MED13L: variants seen among roughly 807,000 people sequenced by gnomAD.
MED13L encodes mediator of RNA polymerase II transcription subunit 13-like.
In MED13L, 7 loss-of-function variants were observed where a neutral mutation model predicts 220.9. The ratio of observed to expected loss-of-function variants is 0.03; its 90% confidence interval spans 0.02 to 0.06. MED13L has a LOEUF of 0.06. MED13L is among the 10% of genes least tolerant of loss of function. The pLI is 1.00. For synonymous variants in MED13L, 1,011 were observed against 1,015.2 expected, an observed-to-expected ratio of 1.00 and a Z score of 0.08; for missense variants, 1,965 against 2,760.5, an observed-to-expected ratio of 0.71 and a Z score of 6.46.
intron 2 of MED13L, among the ~76,000 whole-genome samples, chr12:116,213,293 T>C (rs1222318446): frequency 6.6e-6 from 1 of 152,150 alleles, no homozygotes; most frequent in Non-Finnish European, 1.5e-5. Flanking sequence ...CCAGCTGCAA[T>C]AAACTGCTTG....
intron 1 of MED13L, chr12:116,276,308 TTGTGTGTGTGTGTGTGTGTGTGTGTG>T (rs372521434): frequency 1.8e-5 from 4 of 223,644 alleles, no homozygotes; most frequent in East Asian, 1.6e-4. Context: ...CTTGTTGCTT[TTGTGTGTGTGTGTGTGTGTGTGTGTG>T]TGTGTGTGTG....
At chr12:116,163,241 T>C (rs1593117296) in intron 2 of MED13L, among the ~76,000 whole-genome samples, 1 of 152,008 alleles carries the variant, frequency 6.6e-6, no homozygotes, top group East Asian at 1.9e-4. Flanking sequence ...TATTTACAAA[T>C]CAATAAGCTA....
rs760798678 is a variant in MED13L at position 115,996,982 on chromosome 12, C to T, written c.2790+28G>A. On this transcript the variant is annotated intron_variant, in intron 15 of 30. Coordinates refer to ENST00000281928, the MANE Select transcript of MED13L (RefSeq NM_015335.5). ...GAATCCACTTGGAAACTGCTCTGCC[C>T]TGGAAATGTTAATATATTGACAACT... The T allele has an allele frequency of 1.5e-5, 24 of 1,593,884 alleles. No individual in the cohort carries two copies. In the Admixed American group the frequency reaches 3.8e-4, roughly 25 times the overall value.
intron 14 of MED13L, among the ~76,000 whole-genome samples, chr12:115,999,603 G>C (rs972524653): frequency 6.6e-6 from 1 of 151,682 alleles, no homozygotes; most frequent in African/African-American, 2.4e-5. Context: ...TACAGAAATT[G>C]TATAAATTCT....
At chr12:116,011,242 G>A (rs1879378062) in intron 9 of MED13L, among the ~76,000 whole-genome samples, 1 of 151,972 alleles carries the variant, frequency 6.6e-6, no homozygotes, top group Admixed American at 6.6e-5. Flanking sequence ...AGTCAGGTTG[G>A]GACAGAAGTT....
intron 3 of MED13L, among the ~76,000 whole-genome samples, chr12:116,106,073 T>C (rs919477658): frequency 6.6e-6 from 1 of 152,208 alleles, no homozygotes; most frequent in Non-Finnish European, 1.5e-5. Flanking sequence ...TATAGTACTA[T>C]AATCAATTAC....
intron 2 of MED13L, chr12:116,168,985 G>T (rs1355527660): frequency 6.6e-6 from 1 of 152,178 alleles, no homozygotes; most frequent in Non-Finnish European, 1.5e-5. Context: ...CTACTGCAGG[G>T]GTGTGAAGGA....
At chr12:116,143,361 AAAAG>A (rs1003821953) in intron 2 of MED13L, among the ~76,000 whole-genome samples, 3 of 152,084 alleles carry the variant, frequency 2.0e-5, no homozygotes, top group Admixed American at 1.3e-4. Context: ...GAAAGTGAGA[AAAAG>A]AAAGAATGAA....
intron 2 of MED13L, among the ~76,000 whole-genome samples, chr12:116,141,614 A>C (rs1486294542): frequency 6.6e-6 from 1 of 152,072 alleles, no homozygotes; most frequent in Non-Finnish European, 1.5e-5. Flanking sequence ...TACCTTCAGA[A>C]TGATATCTAG....
intron 4 of MED13L, among the ~76,000 whole-genome samples, chr12:116,061,309 G>T (rs995825232): frequency 6.6e-6 from 1 of 151,848 alleles, no homozygotes; most frequent in South Asian, 2.1e-4. Context: ...TAAATATAGA[G>T]TAGTTACAAA....
In MED13L at chr12:116,155,346, C is replaced by T. The variant is rs189246474; in HGVS notation, c.311-43834G>A. Among the ~76,000 whole-genome samples the T allele has an allele frequency of 2.0e-3, 306 of 152,158 alleles. 1 individual carries two copies. The highest frequency in any genetic ancestry group is 3.1e-3 in the Non-Finnish European group (208 of 67,990). On this transcript the variant is annotated intron_variant, in intron 2 of 30. Transcript: ENST00000281928. ...ACTGAGGTGGGAGGATTGCTTGAGC[C>T]CAGAGGTTCCAGACTGCAGTGAGCC...
intron 2 of MED13L, among the ~76,000 whole-genome samples, chr12:116,193,630 C>G (rs979182467): frequency 6.6e-6 from 1 of 151,412 alleles, no homozygotes; most frequent in Non-Finnish European, 1.5e-5. Context: ...AAAAAAACTC[C>G]TAATAATCAC....
intron 4 of MED13L, among the ~76,000 whole-genome samples, chr12:116,066,882 G>A (rs1231431857): frequency 1.3e-5 from 2 of 152,212 alleles, no homozygotes; most frequent in South Asian, 2.1e-4. Flanking sequence ...AGTTGGACAG[G>A]TTCATGCTTA....
chr12:115,995,818 T>A (rs940004643), intron 16 of MED13L, among the ~76,000 whole-genome samples: 6 of 152,196 alleles, frequency 3.9e-5, no homozygotes, highest in African/African-American at 1.4e-4. Context: ...GTGCTGACTA[T>A]CTCGTGTAAT....
At chr12:116,174,050 T>C (rs1879874520) in intron 2 of MED13L, among the ~76,000 whole-genome samples, 1 of 152,164 alleles carries the variant, frequency 6.6e-6, no homozygotes, top group Admixed American at 6.6e-5. Context: ...GCTATGATCA[T>C]GCCACTGCAC....
chr12:116,166,793 T>C (rs902537029), intron 2 of MED13L, among the ~76,000 whole-genome samples: 1 of 152,224 alleles, frequency 6.6e-6, no homozygotes, highest in Non-Finnish European at 1.5e-5. Flanking sequence ...GTGCTTACTA[T>C]AGTGGCTGGC....
intron 4 of MED13L, among the ~76,000 whole-genome samples, chr12:116,035,868 T>TACCCA (rs1881164231): frequency 6.6e-6 from 1 of 152,112 alleles, no homozygotes; most frequent in Non-Finnish European, 1.5e-5. Flanking sequence ...TGAGCCACCA[T>TACCCA]ACCCAGCCAA....
At chr12:116,179,537 A>T (rs1371348762) in intron 2 of MED13L, among the ~76,000 whole-genome samples, 1 of 149,160 alleles carries the variant, frequency 6.7e-6, no homozygotes, top group Non-Finnish European at 1.5e-5. Context: ...GAAGCACGTG[A>T]ACCGAGAAAA....
intron 14 of MED13L, among the ~76,000 whole-genome samples, chr12:116,000,745 A>T (rs1167169773): frequency 6.6e-6 from 1 of 152,236 alleles, no homozygotes; most frequent in Non-Finnish European, 1.5e-5. Flanking sequence ...ACCTTAACAT[A>T]AACTTGATAT....
Sources: gnomAD v4.1 joint callset for allele counts (sites outside exome capture counted in the v4.1 genomes callset) on GRCh38, gnomAD v4.1.1 for gene constraint, MANE v1.5 for transcripts, NCBI Gene and HGNC (gene_info 2026-07-23, HGNC 2026-07-21) for gene names.